The following TANC2 variants were observed in gnomAD, a reference collection of about 807,000 sequenced individuals.
TANC2 encodes the protein protein TANC2.
TANC2 carries 26 observed loss-of-function variants against 210.5 expected under a neutral mutation model. The ratio of observed to expected loss-of-function variants is 0.12; its 90% CI spans 0.09 to 0.17. The LOEUF (loss-of-function observed/expected upper bound fraction) is 0.17. Ranked by LOEUF, TANC2 falls within the 10% of genes least tolerant of loss-of-function variation. The probability of loss-of-function intolerance (pLI) is 1.00; values close to 1 mark genes in which losing one functional copy is unlikely to be tolerated. For missense variants in TANC2, 2,129 were observed against 2,608.9 expected, an observed-to-expected ratio of 0.82 and a Z score of 4.01; for synonymous variants, 931 against 967.1, an observed-to-expected ratio of 0.96 and a Z score of 0.69.
chr17:63,196,136 G>A (rs1209021359), intron 6 of TANC2, among the ~76,000 whole-genome samples: 2 of 152,068 alleles, frequency 1.3e-5, no homozygotes, highest in Non-Finnish European at 2.9e-5. Flanking sequence ...ACCATTAACT[G>A]ATATTACATT....
At chr17:63,362,513 T>TGCCGAGAGGCACCTGCAG (rs747068037) in intron 14 of TANC2, among the ~76,000 whole-genome samples, 5 of 152,064 alleles carry the variant, frequency 3.3e-5, no homozygotes, top group African/African-American at 4.8e-5. Flanking sequence ...AGGCTGTTCA[T>TGCCGAGAGGCACCTGCAG]GCCGAGAGGC....
At chr17:63,173,467 T>A (rs1166632549) in intron 5 of TANC2, among the ~76,000 whole-genome samples, 1 of 152,234 alleles carries the variant, frequency 6.6e-6, no homozygotes, top group Admixed American at 6.5e-5. Flanking sequence ...GCTTCCAACT[T>A]AAGACCAACT....
At chr17:63,245,917 C>T (rs1051633015) in intron 8 of TANC2, among the ~76,000 whole-genome samples, 2 of 149,774 alleles carry the variant, frequency 1.3e-5, no homozygotes, top group Non-Finnish European at 3.0e-5. Context: ...GACTGAGGCA[C>T]ATGAATTGCT....
At chr17:63,099,652 T>C (rs2037550584) in intron 4 of TANC2, among the ~76,000 whole-genome samples, 1 of 152,228 alleles carries the variant, frequency 6.6e-6, no homozygotes, top group African/African-American at 2.4e-5. Context: ...GTTGTTCTGA[T>C]TTCATTTATC....
At chr17:63,268,521 T>G (rs1294956043) in intron 9 of TANC2, among the ~76,000 whole-genome samples, 1 of 152,126 alleles carries the variant, frequency 6.6e-6, no homozygotes, top group African/African-American at 2.4e-5. Flanking sequence ...TATTCCAAAG[T>G]CCAAAAAAAT....
intron 3 of TANC2, chr17:63,088,581 A>C (rs2037062614): frequency 6.6e-6 from 1 of 152,198 alleles, no homozygotes; most frequent in Admixed American, 6.5e-5. Flanking sequence ...TCCAACATGG[A>C]TATCTGCTCC....
At chr17:63,293,706 A>T (rs969033947) in intron 9 of TANC2, among the ~76,000 whole-genome samples, 2 of 151,900 alleles carry the variant, frequency 1.3e-5, no homozygotes, top group African/African-American at 2.4e-5. Context: ...TTAAAGGTTT[A>T]CACTTTGCCT....
At chr17:63,259,617 TTC>T (rs1021337084) in intron 8 of TANC2, among the ~76,000 whole-genome samples, 12 of 152,198 alleles carry the variant, frequency 7.9e-5, no homozygotes, top group African/African-American at 2.9e-4. Flanking sequence ...GAAAAATACA[TTC>T]TCTTTTAATT....
chr17:63,004,876 A>G, intron 1 of TANC2: 1 of 313,750 alleles, frequency 3.2e-6, no homozygotes, highest in Non-Finnish European at 6.2e-6. Flanking sequence ...TTTAGCAGAC[A>G]ACCTTGTGGA....
At chr17:63,133,684 T>C (rs949071426) in intron 4 of TANC2, among the ~76,000 whole-genome samples, 3 of 152,184 alleles carry the variant, frequency 2.0e-5, no homozygotes, top group Non-Finnish European at 2.9e-5. Context: ...TAATTTTACC[T>C]AGTCAGCATA....
intron 8 of TANC2, among the ~76,000 whole-genome samples, chr17:63,262,411 A>C (rs2043390490): frequency 6.6e-6 from 1 of 152,162 alleles, no homozygotes; most frequent in South Asian, 2.1e-4. Context: ...CTGGTCTTAA[A>C]AGTCCTGACC....
intron 4 of TANC2, among the ~76,000 whole-genome samples, chr17:63,145,628 T>C (rs2039438286): frequency 6.6e-6 from 1 of 152,154 alleles, no homozygotes; most frequent in African/African-American, 2.4e-5. Flanking sequence ...CTTTTGCATA[T>C]TCAGTTTCCT....
chr17:63,355,152 C>T, exon 14 of TANC2: 2 of 1,613,872 alleles, frequency 1.2e-6, no homozygotes, highest in Non-Finnish European at 1.7e-6. Flanking sequence ...GATGCCTCTC[C>T]TGAATGTGGC....
At chr17:63,225,291 C>T (rs1388489545) in intron 7 of TANC2, among the ~76,000 whole-genome samples, 1 of 152,166 alleles carries the variant, frequency 6.6e-6, no homozygotes, top group Non-Finnish European at 1.5e-5. Context: ...CCACAGTCTC[C>T]TTGTTTTCCT....
chr17:63,282,017 G>T (rs1027724849), intron 9 of TANC2, among the ~76,000 whole-genome samples: 2 of 151,954 alleles, frequency 1.3e-5, no homozygotes, highest in African/African-American at 4.8e-5. Context: ...AAATTTGGTT[G>T]TTTTAAGCCA....
At chr17:63,019,980 G>A (rs1473994251) in intron 2 of TANC2, among the ~76,000 whole-genome samples, 5 of 152,236 alleles carry the variant, frequency 3.3e-5, no homozygotes, top group Non-Finnish European at 7.3e-5. Flanking sequence ...AGGCTGGAGT[G>A]CAGTGGCCTG....
intron 8 of TANC2, among the ~76,000 whole-genome samples, chr17:63,258,173 C>G (rs2043254094): frequency 6.6e-6 from 1 of 152,132 alleles, no homozygotes; most frequent in Non-Finnish European, 1.5e-5. Flanking sequence ...TTAAATATGT[C>G]ATGCCATTCT....
intron 15 of TANC2, among the ~76,000 whole-genome samples, chr17:63,385,678 T>G (rs1257288727): frequency 6.6e-6 from 1 of 152,210 alleles, no homozygotes; most frequent in African/African-American, 2.4e-5. Context: ...CCTACTGTTT[T>G]CTGTTTACCC....
At chr17:63,273,129 T>C (rs2043765381) in intron 9 of TANC2, among the ~76,000 whole-genome samples, 1 of 152,000 alleles carries the variant, frequency 6.6e-6, no homozygotes, top group African/African-American at 2.4e-5. Flanking sequence ...ACCCTGTCTC[T>C]ACAAAAAAAT....
Sources: allele counts gnomAD v4.1 joint callset (sites outside exome capture counted in the v4.1 genomes callset), GRCh38; gene constraint gnomAD v4.1.1; transcripts MANE v1.5; gene names NCBI Gene and HGNC (gene_info 2026-07-23, HGNC 2026-07-21).